The following ZDHHC8 variants were observed in gnomAD, a reference collection of about 807,000 sequenced individuals.
ZDHHC8 encodes the protein palmitoyltransferase ZDHHC8.
In ZDHHC8, 24 loss-of-function variants were observed where a neutral mutation model predicts 61.2. That is an observed-to-expected ratio of 0.39 (90% CI 0.28 to 0.55). ZDHHC8 has a LOEUF of 0.55. Among genes scored for constraint, ZDHHC8 ranks in the 20% least tolerant of loss-of-function variants. ZDHHC8 has a pLI of 0.60. For synonymous variants in ZDHHC8, 523 were observed against 492.5 expected, an observed-to-expected ratio of 1.06 and a Z score of -0.82; for missense variants, 935 against 1,102.1, an observed-to-expected ratio of 0.85 and a Z score of 2.15.
intron 7 of ZDHHC8, 66 bp from the exon 8 acceptor site, chr22:20,141,151 T>A (rs79425519): frequency 1.3e-6 from 2 of 1,586,090 alleles, no homozygotes; most frequent in Admixed American, 3.4e-5. Flanking sequence ...GGTCCCAGGC[T>A]GAATCCCTAG....
At position 20,140,155 on chromosome 22, in the gene ZDHHC8, G is replaced by A. The variant is rs2050455446; in HGVS notation, c.598G>A (p.Val200Ile). 3 of 1,613,716 alleles carry A rather than the reference G, an allele frequency of 1.9e-6. No homozygotes were observed. The highest frequency in any genetic ancestry group is 2.5e-6 in the Non-Finnish European group (3 of 1,180,018). ...TGTGGCCGGCCTCTTCTTCATCCCT[G>A]TCATTGGCCTCACTGGCTTCCATGT... ...MCVAGLFFIPVIGLTGFHVVL... is the reference protein window; with the variant it reads ...MCVAGLFFIPIIGLTGFHVVL... Residue 200 changes from valine (V) to isoleucine (I), a missense_variant, in exon 5 of 11, where the codon GTC becomes ATC. Val to Ile is a conservative substitution (Grantham distance 29). Transcript: ENST00000334554.
rs1438480544 is a variant in ZDHHC8, at chr22:20,142,998, G to T, written c.1368G>T (p.Gly456=). The change falls in exon 10 of 11, where the codon GGG becomes GGT. Residue 456 remains glycine (G), a synonymous_variant. Coordinates refer to ENST00000334554, the MANE Select transcript of ZDHHC8 (RefSeq NM_013373.4). ...TGCAGCCCCTGCGCTCTGAGGGGGGGCCCCCCACGCCCCACCGTAGCATTT... is the reference window on the plus strand; with the variant it reads ...TGCAGCCCCTGCGCTCTGAGGGGGGTCCCCCCACGCCCCACCGTAGCATTT... The part of the protein sequence containing the change: ...VALQPLRSEG[G]PPTPHRSIFA... 10 of 1,605,478 alleles carry T rather than the reference G, an allele frequency of 6.2e-6. No homozygotes were observed. In the Admixed American group the frequency reaches 1.2e-4, roughly 19 times the overall value.
Position 20,141,293 on chromosome 22 carries a change from G to T in ZDHHC8, c.971G>T (p.Gly324Val). Residue 324 changes from glycine (G) to valine (V), a missense_variant, in exon 8 of 11, where the codon GGC (glycine) becomes GTC (valine). Physicochemically the swap from Gly to Val is moderately radical, Grantham distance 109. This residue lies in a region of ZDHHC8 where 692 missense variants were observed against 731.4 expected (regional missense o/e 0.95). Coordinates refer to ENST00000334554, the MANE Select transcript of ZDHHC8 (RefSeq NM_013373.4). Reference protein sequence around the residue: ...GPPLPPKIEAGTFSSDLQTPR... With the variant: ...GPPLPPKIEAVTFSSDLQTPR... ...CCACTGCCCCCCAAGATAGAGGCTG[G>T]CACGTTCAGCAGTGACCTGCAGACC... 5 of 1,612,906 alleles carry T rather than the reference G, an allele frequency of 3.1e-6. No homozygotes were observed. The highest frequency in any genetic ancestry group is 4.2e-6 in the Non-Finnish European group (5 of 1,179,954).
Position 20,145,290 on chromosome 22 carries a change from C to G in ZDHHC8, c.2188C>G (p.Arg730Gly). ...KLNGQSPGLARLGPATGPPGP... is the reference protein window; with the variant it reads ...KLNGQSPGLAGLGPATGPPGP... Reference sequence around the variant, plus strand: ...TAATGGGCAGTCCCCGGGCCTGGCCCGGCTGGGACCTGCCACCGGCCCCCC... The same window carrying G: ...TAATGGGCAGTCCCCGGGCCTGGCCGGGCTGGGACCTGCCACCGGCCCCCC... The change falls in exon 11 of 11, where the codon CGG becomes GGG. Residue 730 changes from arginine (R) to glycine (G), a missense_variant. Physicochemically the swap from Arg to Gly is moderately radical, Grantham distance 125. Transcript: ENST00000334554. 6.3e-7 allele frequency: 1 copy of G among 1,585,680 alleles called. No homozygotes were observed. The highest frequency in any genetic ancestry group is 1.1e-5 in the South Asian group (1 of 88,630).
Position 20,143,736 on chromosome 22 carries a change from G to A in ZDHHC8, c.2106G>A (p.Pro702=), listed in dbSNP as rs772207141. 7 of 1,608,842 alleles carry A rather than the reference G, an allele frequency of 4.4e-6. No homozygotes were observed. The highest frequency in any genetic ancestry group is 4.0e-5 in the African/African-American group (3 of 74,878). Reference sequence around the variant, plus strand: ...TCCACACGGACCTCCCAGAGCCACCGCCCTCGCTGACCGTGCAGAGGTGGG... The same window carrying A: ...TCCACACGGACCTCCCAGAGCCACCACCCTCGCTGACCGTGCAGAGGTGGG... ...AFIHTDLPEP[P]PSLTVQRDHP... The change falls in exon 10 of 11, where the codon CCG becomes CCA. Residue 702 remains proline, a synonymous_variant. Coordinates refer to ENST00000334554, the MANE Select transcript of ZDHHC8 (RefSeq NM_013373.4).
intron 1 of ZDHHC8, among the ~76,000 whole-genome samples, chr22:20,132,918 C>G (rs189213740): frequency 8.5e-5 from 13 of 152,352 alleles, no homozygotes; most frequent in African/African-American, 3.1e-4. Flanking sequence ...ACCACCCACC[C>G]CCCTTCCACC....
In ZDHHC8 at chr22:20,143,283, C is replaced by T. The variant is rs559697727; in HGVS notation, c.1653C>T (p.Ser551=). The T allele has an allele frequency of 4.4e-6, 7 of 1,605,686 alleles. No homozygotes were observed. The change falls in exon 10 of 11, where the codon TCC becomes TCT. Residue 551 remains serine, a synonymous_variant. Coordinates refer to ENST00000334554, the MANE Select transcript of ZDHHC8 (RefSeq NM_013373.4). ...YDNLSRTIMA[S]IQERKDREER... ...ACCTGTCCAGGACCATCATGGCATC[C>T]ATCCAGGAGCGCAAGGACAGGGAGG...
intron 1 of ZDHHC8, among the ~76,000 whole-genome samples, chr22:20,136,747 T>C (rs1171054351): frequency 6.6e-6 from 1 of 152,218 alleles, no homozygotes; most frequent in Non-Finnish European, 1.5e-5. Flanking sequence ...GCAGACATGA[T>C]TGCATGTGTG....
At position 20,143,101 on chromosome 22, in the gene ZDHHC8, C is replaced by T; in HGVS notation, c.1471C>T (p.His491Tyr). 6.2e-7 allele frequency: 1 copy of T among 1,612,406 alleles called. No homozygotes were observed. Among genetic ancestry groups the T allele is most frequent in the Non-Finnish European group, 8.5e-7 (1 of 1,179,852 alleles). Residue 491 changes from histidine to tyrosine, a missense_variant, in exon 10 of 11, where the codon CAC becomes TAC. By Grantham distance (83) the His-to-Tyr change is moderately conservative. Transcript: ENST00000334554. ...GCTCAATCCTGGCTCGCCTGGTGGC[C>T]ACGCCTGCCCTGCCCACCCAGCAGT... is the stretch of plus-strand genomic sequence containing the variant. ...SLLNPGSPGG[H>Y]ACPAHPAVGV...
chr22:20,136,591 A>G (rs1419999886), intron 1 of ZDHHC8, among the ~76,000 whole-genome samples: 2 of 151,966 alleles, frequency 1.3e-5, no homozygotes, highest in Non-Finnish European at 2.9e-5. Flanking sequence ...GCATGTGTCT[A>G]TGCATGCCTG....
chr22:20,145,000 A>G (rs1316803114), intron 10 of ZDHHC8, among the ~76,000 whole-genome samples: 1 of 152,054 alleles, frequency 6.6e-6, no homozygotes, highest in Non-Finnish European at 1.5e-5. Context: ...TTCTGACAAC[A>G]TCTGTCTGTC....
rs769497928 is a variant in ZDHHC8 at position 20,145,394 on chromosome 22, G to A, written c.2292G>A (p.Ser764=). 2.3e-5 allele frequency: 35 copies of A among 1,545,086 alleles called. 1 individual carries two copies. Among genetic ancestry groups the A allele is most frequent in the Non-Finnish European group, 2.5e-5 (29 of 1,145,450 alleles). Residue 764 remains serine (S), a synonymous_variant, in exon 11 of 11, where the codon TCG becomes TCA. Transcript: ENST00000334554. The part of the protein sequence containing the change: ...SGVGGTTYEI[S]V ...TGGGTGGGACCACCTACGAGATCTC[G>A]GTGTGAGGACTGACTGCCACACATC...
Position 20,143,154 on chromosome 22 carries a change from C to T in ZDHHC8, c.1524C>T (p.Tyr508=), listed in dbSNP as rs2050487756. ...AVGVAGYHSP[Y]LHPGATGDPP... is the part of the protein sequence containing the mutation. ...GCGTGGCCGGATACCACTCACCCTA[C>T]CTGCATCCTGGGGCAACGGGCGACC... is the stretch of plus-strand genomic sequence containing the variant. The change falls in exon 10 of 11, where the codon TAC becomes TAT. Residue 508 remains tyrosine, a synonymous_variant. Transcript: ENST00000334554. The T allele has an allele frequency of 6.2e-7, 1 of 1,611,650 alleles. No homozygotes were observed. The highest frequency in any genetic ancestry group is 8.5e-7 in the Non-Finnish European group (1 of 1,179,800).
intron 1 of ZDHHC8, among the ~76,000 whole-genome samples, chr22:20,136,911 G>C (rs1302839788): frequency 6.6e-6 from 1 of 152,240 alleles, no homozygotes. Flanking sequence ...GTAGGTGCCT[G>C]CGTGTGCTCC....
chr22:20,137,721 G>A (rs1033674468), intron 1 of ZDHHC8, among the ~76,000 whole-genome samples: 1 of 152,216 alleles, frequency 6.6e-6, no homozygotes, highest in African/African-American at 2.4e-5. Context: ...CATCTTGTTG[G>A]GCCGACCCTG....
At position 20,142,947 on chromosome 22, in the gene ZDHHC8, C is replaced by T; in HGVS notation, c.1317C>T (p.Ser439=). The T allele has an allele frequency of 6.2e-7, 1 of 1,601,430 alleles. No individual in the cohort carries two copies. The highest frequency in any genetic ancestry group is 8.5e-7 in the Non-Finnish European group (1 of 1,172,780). ...ALRSLSLKAS[S]RRGGDHVALQ... ...GCTCCCTGAGCCTCAAGGCCTCGAG[C>T]CGGCGGGGCGGGGATCATGTGGCCC... The change falls in exon 10 of 11, where the codon AGC becomes AGT. Residue 439 remains serine, a synonymous_variant. Coordinates refer to ENST00000334554, the MANE Select transcript of ZDHHC8 (RefSeq NM_013373.4).
At position 20,146,612 on chromosome 22, in the gene ZDHHC8, A is replaced by G; in HGVS notation, c.*1212A>G. On this transcript the variant is annotated 3_prime_UTR_variant, in exon 11 of 11. Transcript: ENST00000334554. The stretch of plus-strand genomic sequence containing the variant: ...CATTTCTGCCGACTTGGGCTGAGTC[A>G]GAGGCTTGGGAAGAGGGGGCGGCCG... The G allele has an allele frequency of 1.0e-6, 1 of 999,252 alleles. No homozygotes were observed. Among genetic ancestry groups the G allele is most frequent in the Non-Finnish European group, 1.2e-6 (1 of 839,614 alleles). 61.9% of individuals were successfully genotyped at this position (999,252 alleles called of 1,614,324 possible). A position where few individuals can be genotyped will look rare whatever the true frequency, so the allele number is the denominator to read the frequency against.
At chr22:20,134,476 C>A (rs2050403873) in intron 1 of ZDHHC8, among the ~76,000 whole-genome samples, 2 of 152,218 alleles carry the variant, frequency 1.3e-5, no homozygotes. Context: ...ACTTGTCTAC[C>A]CGTTGCCCCA....
chr22:20,136,061 T>C (rs2050417254), intron 1 of ZDHHC8, among the ~76,000 whole-genome samples: 1 of 152,244 alleles, frequency 6.6e-6, no homozygotes, highest in South Asian at 2.1e-4. Flanking sequence ...TGGTGGTGCA[T>C]GTCCCTGCCT....
Sources: gnomAD v4.1 joint callset for allele counts (sites outside exome capture counted in the v4.1 genomes callset) on GRCh38, gnomAD v4.1.1 for gene constraint, gnomAD v4.1.1 regional missense constraint, MANE v1.5 for transcripts, NCBI Gene and HGNC (gene_info 2026-07-23, HGNC 2026-07-21) for gene names.